TASP1: variants seen among roughly 807,000 people sequenced by gnomAD.
TASP1 encodes the protein threonine aspartase 1.
Under a neutral mutation model 56.6 loss-of-function variants are expected in TASP1, and 16 were observed. The ratio of observed to expected loss-of-function variants is 0.28; its 90% CI spans 0.19 to 0.43. TASP1 has a LOEUF of 0.43. Ranked by LOEUF, TASP1 falls within the 20% of genes least tolerant of loss-of-function variation. The pLI is 1.00. For missense variants in TASP1, 393 were observed against 511.6 expected, an observed-to-expected ratio of 0.77 and a Z score of 2.24; for synonymous variants, 179 against 184.2, an observed-to-expected ratio of 0.97 and a Z score of 0.23.
the TASP1 span, among the ~76,000 whole-genome samples, chr20:13,278,477 C>G: frequency 6.6e-6 from 1 of 152,126 alleles, no homozygotes; most frequent in Non-Finnish European, 1.5e-5. Context: ...CTTTTTGTTT[C>G]TTTGGTCTCA....
intron 12 of TASP1, among the ~76,000 whole-genome samples, chr20:13,425,908 T>C (rs1310680779): frequency 1.3e-5 from 2 of 152,178 alleles, no homozygotes; most frequent in African/African-American, 2.4e-5. Context: ...ATGAAGAAAC[T>C]TTGACTTGGC....
chr20:13,429,324 C>A lies in TASP1; in HGVS notation c.1096+5720G>T, dbSNP rs142009146. On this transcript the variant is annotated intron_variant, in intron 12 of 13. Coordinates refer to ENST00000337743, the MANE Select transcript of TASP1 (RefSeq NM_017714.3). Reference sequence around the variant, plus strand: ...TGTATTGGCCCAGAGCTTAGCACAGCAAGAGCATATGCAAGTTATTGCGGG... The same window carrying A: ...TGTATTGGCCCAGAGCTTAGCACAGAAAGAGCATATGCAAGTTATTGCGGG... Among the ~76,000 whole-genome samples the A allele has an allele frequency of 3.3e-4, 50 of 152,148 alleles. No individual in the cohort carries two copies. In the East Asian group the frequency reaches 9.4e-3, roughly 29 times the overall value.
At chr20:13,435,920 T>C (rs3789349) in intron 11 of TASP1, among the ~76,000 whole-genome samples, 54,653 of 152,030 alleles carry the variant, frequency 0.36, 10,664 homozygotes, top group Non-Finnish European at 0.43. Flanking sequence ...ACTTACTATA[T>C]TAAATACATG....
At chr20:13,544,232 T>C (rs1214633774) in intron 8 of TASP1, among the ~76,000 whole-genome samples, 1 of 152,206 alleles carries the variant, frequency 6.6e-6, no homozygotes, top group Non-Finnish European at 1.5e-5. Context: ...TTGAAAAAAT[T>C]CTTTACTGCC....
the TASP1 span, among the ~76,000 whole-genome samples, chr20:13,356,442 A>G: frequency 6.6e-6 from 1 of 152,192 alleles, no homozygotes; most frequent in African/African-American, 2.4e-5. Flanking sequence ...CTCATAACTT[A>G]CCTATCAAAA....
chr20:13,626,857 C>T (rs1482914948), intron 2 of TASP1, among the ~76,000 whole-genome samples: 2 of 152,004 alleles, frequency 1.3e-5, no homozygotes, highest in Non-Finnish European at 2.9e-5. Flanking sequence ...ATTTAATAGC[C>T]TTAACATGTA....
At chr20:13,269,028 G>A in the TASP1 span, among the ~76,000 whole-genome samples, 7 of 152,168 alleles carry the variant, frequency 4.6e-5, no homozygotes, top group African/African-American at 1.4e-4. Flanking sequence ...GACCTTGGGC[G>A]CTCAGAGTCA....
intron 1 of TASP1, among the ~76,000 whole-genome samples, chr20:13,634,503 G>T (rs1239734308): frequency 6.6e-6 from 1 of 152,134 alleles, no homozygotes; most frequent in African/African-American, 2.4e-5. Flanking sequence ...GTCAAGGCGG[G>T]TGGATCACCT....
the TASP1 span, among the ~76,000 whole-genome samples, chr20:13,178,561 C>G: frequency 6.6e-6 from 1 of 151,870 alleles, no homozygotes; most frequent in Non-Finnish European, 1.5e-5. Context: ...GAATATTACT[C>G]AACCATCAAA....
At chr20:13,262,616 T>C in the TASP1 span, among the ~76,000 whole-genome samples, 1 of 152,224 alleles carries the variant, frequency 6.6e-6, no homozygotes, top group Non-Finnish European at 1.5e-5. Flanking sequence ...GCTACCACTC[T>C]GTTTTCTTTG....
the TASP1 span, among the ~76,000 whole-genome samples, chr20:13,210,750 G>A: frequency 1.3e-5 from 2 of 151,982 alleles, no homozygotes; most frequent in Admixed American, 1.3e-4. Context: ...ATATTTTCAA[G>A]AGGAAAAATA....
At chr20:13,306,564 C>CAAAAAACAAA in the TASP1 span, among the ~76,000 whole-genome samples, 1 of 63,914 alleles carries the variant, frequency 1.6e-5, no homozygotes, top group Non-Finnish European at 2.6e-5. Flanking sequence ...GGAGAAAGGA[C>CAAAAAACAAA]AAAAAAAAAA....
the TASP1 span, among the ~76,000 whole-genome samples, chr20:13,201,916 G>A: frequency 6.6e-6 from 1 of 152,126 alleles, no homozygotes; most frequent in African/African-American, 2.4e-5. Flanking sequence ...ACCATGCCCG[G>A]CTAATTTTTT....
At chr20:13,357,215 A>AG in the TASP1 span, among the ~76,000 whole-genome samples, 5 of 152,198 alleles carry the variant, frequency 3.3e-5, no homozygotes, top group Non-Finnish European at 5.9e-5. Flanking sequence ...AGATCTGCAA[A>AG]GGATTAGACC....
At chr20:13,518,721 T>C (rs2044627136) in intron 10 of TASP1, among the ~76,000 whole-genome samples, 1 of 152,048 alleles carries the variant, frequency 6.6e-6, no homozygotes, top group Admixed American at 6.6e-5. Context: ...ACAAAGCTGA[T>C]GAAAATCCCA....
At chr20:13,518,951 C>T (rs1940617915) in intron 10 of TASP1, among the ~76,000 whole-genome samples, 1 of 151,950 alleles carries the variant, frequency 6.6e-6, no homozygotes, top group African/African-American at 2.4e-5. Context: ...GGTGAATTAA[C>T]AAATAAAATG....
At chr20:13,512,760 T>C (rs550045555) in intron 10 of TASP1, among the ~76,000 whole-genome samples, 5 of 152,352 alleles carry the variant, frequency 3.3e-5, no homozygotes, top group Non-Finnish European at 4.4e-5. Flanking sequence ...CTTTGATCCA[T>C]CTTGAATTAA....
the TASP1 span, among the ~76,000 whole-genome samples, chr20:13,157,649 C>T: frequency 6.6e-6 from 1 of 150,902 alleles, no homozygotes; most frequent in East Asian, 1.9e-4. Flanking sequence ...CAAAAGGCAA[C>T]AATCACTACA....
intron 13 of TASP1, among the ~76,000 whole-genome samples, chr20:13,411,558 T>A (rs183888686): frequency 2.6e-5 from 4 of 152,302 alleles, no homozygotes; most frequent in Non-Finnish European, 5.9e-5. Context: ...GGTGTTGCCT[T>A]CTTGATTTCT....
Sources: allele counts gnomAD v4.1 joint callset (sites outside exome capture counted in the v4.1 genomes callset), GRCh38; gene constraint gnomAD v4.1.1; transcripts MANE v1.5; gene names NCBI Gene and HGNC (gene_info 2026-07-23, HGNC 2026-07-21).